Variants in SLC39A12 observed in about 807,000 individuals in gnomAD.
SLC39A12 encodes the protein zinc transporter ZIP12.
In SLC39A12, 63 loss-of-function variants were observed where a neutral mutation model predicts 71.1. The observed-to-expected ratio is 0.89, with a 90% confidence interval of 0.72 to 1.09. The LOEUF (loss-of-function observed/expected upper bound fraction) is 1.09. SLC39A12 is among the 50% of genes least tolerant of loss of function. The probability of loss-of-function intolerance (pLI) is 0.00; values close to 1 mark genes in which losing one functional copy is unlikely to be tolerated. For missense variants in SLC39A12, 892 were observed against 812.6 expected, an observed-to-expected ratio of 1.10 and a Z score of -1.19; for synonymous variants, 351 against 301.3, an observed-to-expected ratio of 1.16 and a Z score of -1.71.
At chr10:18,030,648 A>G (rs1836820030) in intron 12 of SLC39A12, among the ~76,000 whole-genome samples, 1 of 128,750 alleles carries the variant, frequency 7.8e-6, no homozygotes, top group Non-Finnish European at 1.8e-5. Context: ...TTATTTATTT[A>G]TTTTTATTAT....
chr10:17,962,415 C>T (rs1179183340), intron 3 of SLC39A12, among the ~76,000 whole-genome samples: 4 of 152,210 alleles, frequency 2.6e-5, no homozygotes, highest in African/African-American at 9.6e-5. Context: ...TCTCTCCCAG[C>T]TCCCACCTGG....
chr10:17,978,074 G>T lies in SLC39A12; in HGVS notation c.924G>T (p.Gln308His). The T allele has an allele frequency of 6.4e-7, 1 of 1,560,656 alleles. No individual in the cohort carries two copies. The highest frequency in any genetic ancestry group is 8.6e-7 in the Non-Finnish European group (1 of 1,160,094). The change falls in exon 5 of 13, where the codon CAG becomes CAT. Residue 308 changes from glutamine to histidine, a missense_variant and splice_region_variant. Transcript: ENST00000377369. ...ESEDGPVSWDQTCFSARQLVE... is the reference protein window; with the variant it reads ...ESEDGPVSWDHTCFSARQLVE... ...AGGATGGTCCAGTTTCCTGGGATCA[G>T]GTATTGCCATTGTTTCTCTTATTCA...
intron 12 of SLC39A12, among the ~76,000 whole-genome samples, chr10:18,033,825 C>T (rs368040462): frequency 1.8e-4 from 27 of 151,632 alleles, no homozygotes; most frequent in South Asian, 6.3e-4. Context: ...GCTTTGAATG[C>T]GTCCCAGAGA....
At chr10:18,030,284 A>G (rs1836802709) in intron 12 of SLC39A12, among the ~76,000 whole-genome samples, 1 of 149,288 alleles carries the variant, frequency 6.7e-6, no homozygotes, top group African/African-American at 2.5e-5. Context: ...TTTTTTTGAG[A>G]TGGAGTCTCT....
At chr10:17,986,220 T>G (rs896977164) in intron 6 of SLC39A12, among the ~76,000 whole-genome samples, 1 of 152,176 alleles carries the variant, frequency 6.6e-6, no homozygotes, top group African/African-American at 2.4e-5. Context: ...TGAGAGAAAT[T>G]TATTTCTTTG....
chr10:18,021,957 T>C (rs151273160), intron 12 of SLC39A12, among the ~76,000 whole-genome samples: 114 of 152,348 alleles, frequency 7.5e-4, no homozygotes, highest in African/African-American at 2.7e-3. Flanking sequence ...CAACATCTTC[T>C]GGCTTGTAGG....
At chr10:17,975,982 A>G (rs1219003183) in intron 4 of SLC39A12, among the ~76,000 whole-genome samples, 1 of 152,122 alleles carries the variant, frequency 6.6e-6, no homozygotes, top group South Asian at 2.1e-4. Flanking sequence ...CAAAATTGCC[A>G]TGCCCCCCTA....
intron 4 of SLC39A12, among the ~76,000 whole-genome samples, chr10:17,973,418 G>A (rs541375176): frequency 3.9e-5 from 6 of 152,124 alleles, no homozygotes; most frequent in Admixed American, 3.3e-4. Context: ...TATAGGACTG[G>A]TCTAGAATTA....
intron 3 of SLC39A12, among the ~76,000 whole-genome samples, chr10:17,962,804 C>T (rs1292455987): frequency 6.6e-6 from 1 of 152,112 alleles, no homozygotes; most frequent in Non-Finnish European, 1.5e-5. Context: ...ATCTGTAGCT[C>T]TAATCCTGTT....
chr10:17,991,765 T>G (rs1349761523), intron 8 of SLC39A12, among the ~76,000 whole-genome samples: 1 of 152,100 alleles, frequency 6.6e-6, no homozygotes, highest in Non-Finnish European at 1.5e-5. Flanking sequence ...CTTTAGTAAT[T>G]TCTTTTATTA....
chr10:18,042,675 T>G, intron 12 of SLC39A12, 30 bp from the exon 13 acceptor site: 1 of 1,595,680 alleles, frequency 6.3e-7, no homozygotes, highest in Non-Finnish European at 8.5e-7. Flanking sequence ...TATATCTGGA[T>G]CTTATTCTGG....
At chr10:17,955,489 C>T (rs1414901199) in intron 2 of SLC39A12, among the ~76,000 whole-genome samples, 2 of 152,140 alleles carry the variant, frequency 1.3e-5, no homozygotes, top group Non-Finnish European at 2.9e-5. Flanking sequence ...TTCACAAACA[C>T]GCGGGTTCTG....
intron 4 of SLC39A12, among the ~76,000 whole-genome samples, chr10:17,971,839 G>A (rs375312633): frequency 6.6e-6 from 1 of 151,776 alleles, no homozygotes; most frequent in Non-Finnish European, 1.5e-5. Context: ...ATTTACTTCT[G>A]CTCTAATCTT....
chr10:17,965,914 G>A (rs891506638), intron 4 of SLC39A12, among the ~76,000 whole-genome samples: 2 of 152,214 alleles, frequency 1.3e-5, no homozygotes, highest in African/African-American at 4.8e-5. Context: ...CTATTTCTAA[G>A]TGATTGGAAT....
At chr10:18,016,923 T>A (rs1836401087) in intron 12 of SLC39A12, among the ~76,000 whole-genome samples, 2 of 152,198 alleles carry the variant, frequency 1.3e-5, no homozygotes, top group Non-Finnish European at 2.9e-5. Context: ...GTTCCTTGTC[T>A]ATTTTGGATA....
chr10:18,010,019 A>G (rs1836162890), intron 12 of SLC39A12, among the ~76,000 whole-genome samples: 2 of 152,204 alleles, frequency 1.3e-5, no homozygotes, highest in African/African-American at 4.8e-5. Flanking sequence ...CTTCTTCATC[A>G]TATAACTATA....
intron 12 of SLC39A12, among the ~76,000 whole-genome samples, chr10:18,029,641 G>A (rs1242152073): frequency 2.6e-5 from 4 of 151,942 alleles, no homozygotes. Flanking sequence ...AATATACTCT[G>A]TTCATCATTT....
At chr10:18,033,453 A>G (rs980607329) in intron 12 of SLC39A12, among the ~76,000 whole-genome samples, 1 of 151,270 alleles carries the variant, frequency 6.6e-6, no homozygotes, top group Non-Finnish European at 1.5e-5. Flanking sequence ...TGTTTGTAGT[A>G]TCCTCTGACG....
rs1407183255 is a variant in SLC39A12, at chr10:18,036,786, A to ATTTTTT, written c.1948-5918_1948-5917insTTTTTT. On this transcript the variant is annotated intron_variant, in intron 12 of 12. Transcript: ENST00000377369. ...TATATATATATATATATATATATAT[A>ATTTTTT]TATATATATTTTTTTTTTTAATGGA... is the stretch of plus-strand genomic sequence containing the variant. Among the ~76,000 whole-genome samples, 25 of 9,456 alleles carry ATTTTTT rather than the reference A, an allele frequency of 2.6e-3. 1 individual carries two copies. Among genetic ancestry groups the ATTTTTT allele is most frequent in the African/African-American group, 8.2e-3 (23 of 2,800 alleles). The allele number at this position is 9,456 out of a possible 152,430, so 6.2% of individuals were successfully genotyped here.
Sources: gnomAD v4.1 joint callset for allele counts (sites outside exome capture counted in the v4.1 genomes callset) on GRCh38, gnomAD v4.1.1 for gene constraint, MANE v1.5 for transcripts, NCBI Gene and HGNC (gene_info 2026-07-23, HGNC 2026-07-21) for gene names.